Variants in ATP8A2 observed in about 807,000 individuals in gnomAD.
ATP8A2 encodes the protein phospholipid-transporting ATPase IB.
Under a neutral mutation model 165.6 loss-of-function variants are expected in ATP8A2, and 100 were observed. The ratio of observed to expected loss-of-function variants is 0.60; its 90% CI spans 0.51 to 0.71. ATP8A2 has a LOEUF of 0.71. Among genes scored for constraint, ATP8A2 ranks in the 30% least tolerant of loss-of-function variants. ATP8A2 has a pLI of 0.00. For synonymous variants in ATP8A2, 543 were observed against 548.8 expected (o/e 0.99, Z 0.15); for missense variants, 1,227 against 1,479.5 (o/e 0.83, Z 2.80).
rs147951032 is a variant in ATP8A2, at chr13:25,582,950, C to T, written c.2146+993C>T. ...ATTAAATGGAAGTTGGGCTCCCAAA[C>T]AACGGAAGTTAAGCTCACAAGAGAG... is the stretch of plus-strand genomic sequence containing the variant. On this transcript the variant is annotated intron_variant, in intron 23 of 36. Coordinates refer to ENST00000381655, the MANE Select transcript of ATP8A2 (RefSeq NM_016529.6). Among the ~76,000 whole-genome samples the T allele has an allele frequency of 8.5e-5, 13 of 152,302 alleles. No individual in the cohort carries two copies. In the East Asian group the frequency reaches 2.3e-3, roughly 27 times the overall value.
rs1269653827 is a variant in ATP8A2 at position 25,720,574 on chromosome 13, T to C, written c.2384+21229T>C. On this transcript the variant is annotated intron_variant, in intron 25 of 36. Transcript: ENST00000381655. ...CTCCGTGTGAAACTCTCACCTTCCC[T>C]CAGGTCGTCCACTCATCTCACACGT... is the stretch of plus-strand genomic sequence containing the variant. Among the ~76,000 whole-genome samples, 6 of 152,166 alleles carry C rather than the reference T, an allele frequency of 3.9e-5. No homozygotes were observed. The East Asian group carries it at 9.6e-4, about 24-fold the overall frequency.
At chr13:25,788,858 C>T (rs2045097282) in intron 27 of ATP8A2, among the ~76,000 whole-genome samples, 1 of 152,164 alleles carries the variant, frequency 6.6e-6, no homozygotes, top group African/African-American at 2.4e-5. Context: ...CTCTGCACAT[C>T]ATCTGTGGCC....
At position 25,953,560 on chromosome 13, in the gene ATP8A2, G is replaced by A. The variant is rs1260629660; in HGVS notation, c.3184-8015G>A. 1.2e-4 allele frequency among the ~76,000 whole-genome samples: 17 copies of A among 140,422 alleles called. No homozygotes were observed. The highest frequency in any genetic ancestry group is 3.9e-4 in the African/African-American group (14 of 36,230). 92.1% of individuals were successfully genotyped at this position (140,422 alleles called of 152,430 possible). On this transcript the variant is annotated intron_variant, in intron 33 of 36. Transcript: ENST00000381655. This position sits in a 1 kb window ranked among gnomAD's most constrained non-coding sequence, Gnocchi z 6.7. ...AAAAAAAAAAAAGCAAGGGAAATAG[G>A]CAAGACGGCCAAATAGGAACAGCTC...
chr13:25,473,916 A>G (rs913399679), intron 2 of ATP8A2, among the ~76,000 whole-genome samples: 2 of 152,226 alleles, frequency 1.3e-5, no homozygotes, highest in Non-Finnish European at 2.9e-5. Context: ...TAATGTGCTG[A>G]TCAAAGGAAT....
At chr13:25,725,767 T>G (rs1347109151) in intron 25 of ATP8A2, among the ~76,000 whole-genome samples, 1 of 152,194 alleles carries the variant, frequency 6.6e-6, no homozygotes, top group Non-Finnish European at 1.5e-5. Context: ...AGTGATTTCT[T>G]TTTTGTCTTA....
intron 1 of ATP8A2, among the ~76,000 whole-genome samples, chr13:25,432,023 T>C (rs1320137391): frequency 6.6e-6 from 1 of 152,244 alleles, no homozygotes; most frequent in Non-Finnish European, 1.5e-5. Flanking sequence ...TTTTACTTAG[T>C]ACAATATTTT....
intron 24 of ATP8A2, among the ~76,000 whole-genome samples, chr13:25,609,057 C>G (rs1049447155): frequency 1.3e-5 from 2 of 151,868 alleles, no homozygotes; most frequent in African/African-American, 4.8e-5. Flanking sequence ...TGTAGCCTTA[C>G]CGATTAGATT....
intron 27 of ATP8A2, among the ~76,000 whole-genome samples, chr13:25,816,694 T>A (rs1421547108): frequency 6.6e-6 from 1 of 152,224 alleles, no homozygotes; most frequent in African/African-American, 2.4e-5. Flanking sequence ...AGTAAACAGT[T>A]CAGTAACTGA....
chr13:25,612,482 A>G (rs891874559), intron 24 of ATP8A2, among the ~76,000 whole-genome samples: 1 of 152,118 alleles, frequency 6.6e-6, no homozygotes, highest in African/African-American at 2.4e-5. Flanking sequence ...ATTTTATTCC[A>G]GTGTGGCCTG....
intron 25 of ATP8A2, among the ~76,000 whole-genome samples, chr13:25,758,974 A>AAGAAAGAGAG (rs769233521): frequency 6.6e-6 from 1 of 152,138 alleles, no homozygotes; most frequent in Admixed American, 6.6e-5. Flanking sequence ...CTTCCAAATT[A>AAGAAAGAGAG]AGAAAGAGAG....
At chr13:25,618,920 G>A (rs776834644) in intron 24 of ATP8A2, among the ~76,000 whole-genome samples, 7 of 152,112 alleles carry the variant, frequency 4.6e-5, no homozygotes, top group Non-Finnish European at 7.4e-5. Flanking sequence ...TTCTCAGACT[G>A]GCAATGATGT....
At chr13:25,514,956 T>A (rs2137802864) in intron 2 of ATP8A2, among the ~76,000 whole-genome samples, 1 of 152,332 alleles carries the variant, frequency 6.6e-6, no homozygotes, top group East Asian at 1.9e-4. Flanking sequence ...AGGCATCCAG[T>A]TGAACATTAT....
At chr13:25,516,481 G>A (rs1001539234) in intron 2 of ATP8A2, among the ~76,000 whole-genome samples, 4 of 152,158 alleles carry the variant, frequency 2.6e-5, no homozygotes, top group African/African-American at 9.7e-5. Flanking sequence ...TGAATGAAAG[G>A]CCAAATGTGG....
intron 30 of ATP8A2, among the ~76,000 whole-genome samples, chr13:25,856,202 A>G (rs1371836203): frequency 4.6e-5 from 7 of 152,206 alleles, no homozygotes; most frequent in African/African-American, 1.4e-4. Context: ...TTGGTGCCAT[A>G]TCTAAGAAAC....
intron 30 of ATP8A2, among the ~76,000 whole-genome samples, chr13:25,857,951 A>G (rs1952221256): frequency 6.6e-6 from 1 of 152,186 alleles, no homozygotes; most frequent in Non-Finnish European, 1.5e-5. Context: ...CTGTCTCCTC[A>G]CTAGACCACA....
At chr13:25,890,060 G>A (rs1313878375) in intron 33 of ATP8A2, among the ~76,000 whole-genome samples, 3 of 152,084 alleles carry the variant, frequency 2.0e-5, no homozygotes, top group Non-Finnish European at 2.9e-5. Context: ...TGCTCAGGAG[G>A]CTGAGGTAGG....
chr13:25,593,055 C>T (rs76598552), intron 24 of ATP8A2, among the ~76,000 whole-genome samples: 202 of 152,266 alleles, frequency 1.3e-3, no homozygotes, highest in African/African-American at 4.7e-3. Flanking sequence ...CTTGCCTTCT[C>T]CTCCCTCTCA....
In ATP8A2 at chr13:25,377,353, G is replaced by A. The variant is rs369805988; in HGVS notation, c.76+5065G>A. 6.6e-5 allele frequency among the ~76,000 whole-genome samples: 10 copies of A among 152,218 alleles called. No homozygotes were observed. In the East Asian group the frequency reaches 1.2e-3, roughly 18 times the overall value. On this transcript the variant is annotated intron_variant, in intron 1 of 36. Coordinates refer to ENST00000381655, the MANE Select transcript of ATP8A2 (RefSeq NM_016529.6). ...AAAATAAAAGTGATCTCACTTCCAT[G>A]CCTTGGGAGTTTCTCCCCATCATTA...
At chr13:25,513,173 CG>C (rs2037325979) in intron 2 of ATP8A2, among the ~76,000 whole-genome samples, 1 of 151,446 alleles carries the variant, frequency 6.6e-6, no homozygotes, top group Non-Finnish European at 1.5e-5. Flanking sequence ...GGGCGGCTGC[CG>C]GGCGGAGAGG....
Sources: allele counts gnomAD v4.1 joint callset (sites outside exome capture counted in the v4.1 genomes callset), GRCh38; gene constraint gnomAD v4.1.1; non-coding constraint Gnocchi (gnomAD v3.1); transcripts MANE v1.5; gene names NCBI Gene and HGNC (gene_info 2026-07-23, HGNC 2026-07-21).